Variants in DPYSL2 observed in about 807,000 individuals in gnomAD.
DPYSL2 encodes the protein dihydropyrimidinase-related protein 2.
DPYSL2 carries 13 observed loss-of-function variants against 69.9 expected under a neutral mutation model. The observed-to-expected ratio is 0.19, with a 90% CI of 0.12 to 0.30. The LOEUF (loss-of-function observed/expected upper bound fraction) is 0.30, where lower values mean the gene tolerates loss of function less well. Among genes scored for constraint, DPYSL2 ranks in the 10% least tolerant of loss-of-function variants. The pLI is 1.00. For synonymous variants in DPYSL2, 326 were observed against 359.1 expected (o/e 0.91, Z 1.04); for missense variants, 587 against 918.9 (o/e 0.64, Z 4.67).
At chr8:26,579,960 C>CT (rs11427313) in intron 1 of DPYSL2, among the ~76,000 whole-genome samples, 3,569 of 148,866 alleles carry the variant, frequency 0.024, 183 homozygotes, top group African/African-American at 0.085. Flanking sequence ...GAGCGCCCCC[C>CT]CCCCCACACC....
rs935005754 is a variant in DPYSL2 at position 26,655,129 on chromosome 8, C to T, written c.1943-486C>T. 3.3e-5 allele frequency among the ~76,000 whole-genome samples: 5 copies of T among 152,128 alleles called. No individual in the cohort carries two copies. In the South Asian group the frequency reaches 8.3e-4, roughly 25 times the overall value. On this transcript the variant is annotated intron_variant, in intron 13 of 13. Coordinates refer to ENST00000521913, the MANE Select transcript of DPYSL2 (RefSeq NM_001197293.3). ...TCTCCAAGTGCTGTTAGTAGGATTCCAGGCATGAGCCACCATGCCTGCTCT... is the reference window on the plus strand; with the variant it reads ...TCTCCAAGTGCTGTTAGTAGGATTCTAGGCATGAGCCACCATGCCTGCTCT...
Position 26,643,829 on chromosome 8 carries a change from G to A in DPYSL2, c.1284-121G>A, listed in dbSNP as rs1563424515. 1.5e-6 allele frequency: 2 copies of A among 1,345,766 alleles called. No homozygotes were observed. The highest frequency in any genetic ancestry group is 5.0e-5 in the East Asian group (2 of 39,992). The allele number at this position is 1,345,766 out of a possible 1,614,324, so 83.4% of individuals were successfully genotyped here. ...AAAGTCAAGCCAAGAAGGGAGAGGA[G>A]GCGTCAAAAGGACTCCACTTGGGTT... On this transcript the variant is annotated intron_variant, in intron 9 of 13. Coordinates refer to ENST00000521913, the MANE Select transcript of DPYSL2 (RefSeq NM_001197293.3). This position sits in a 1 kb window ranked among gnomAD's most constrained non-coding sequence, Gnocchi z 6.5.
At chr8:26,522,867 C>A (rs991420362) in intron 1 of DPYSL2, among the ~76,000 whole-genome samples, 14 of 151,684 alleles carry the variant, frequency 9.2e-5, no homozygotes, top group Middle Eastern at 3.4e-3. Context: ...CTATTTTTTT[C>A]TTTTGTTGCT....
rs1801892972 is a variant in DPYSL2 at position 26,597,638 on chromosome 8, C to G, written c.628+13655C>G. Among the ~76,000 whole-genome samples, 1 of 152,040 alleles carries G rather than the reference C, an allele frequency of 6.6e-6. No individual in the cohort carries two copies. The highest frequency in any genetic ancestry group is 1.9e-4 in the East Asian group (1 of 5,184). ...TACAGGCGCCCGCCACCACGCCCAA[C>G]TAATATTTTGTATTTTTAGTAGAGA... On this transcript the variant is annotated intron_variant, in intron 3 of 13. Coordinates refer to ENST00000521913, the MANE Select transcript of DPYSL2 (RefSeq NM_001197293.3). The surrounding 1 kb of genome is among the most constrained non-coding windows in gnomAD (Gnocchi z 5.2).
In DPYSL2 at chr8:26,656,958, G is replaced by A. The variant is rs1217452339; in HGVS notation, c.*1252G>A. ...ACCAACCAAAGTCACCAGTTCAGAA[G>A]TGCTAAGCTAATAGGAGTCTGACCC... On this transcript the variant is annotated 3_prime_UTR_variant, in exon 14 of 14. Coordinates refer to ENST00000521913, the MANE Select transcript of DPYSL2 (RefSeq NM_001197293.3). 6.6e-6 allele frequency: 1 copy of A among 152,302 alleles called. No homozygotes were observed. Among genetic ancestry groups the A allele is most frequent in the African/African-American group, 2.4e-5 (1 of 41,446 alleles). The allele number at this position is 152,302 out of a possible 1,614,324, so 9.4% of individuals were successfully genotyped here.
chr8:26,554,323 T>C (rs1384897322), intron 1 of DPYSL2, among the ~76,000 whole-genome samples: 1 of 152,066 alleles, frequency 6.6e-6, no homozygotes, highest in East Asian at 1.9e-4. Flanking sequence ...GTATGTCTTC[T>C]TTTGAAAAGT....
rs1411874912 is a variant in DPYSL2 at position 26,597,614 on chromosome 8, A to G, written c.628+13631A>G. Among the ~76,000 whole-genome samples the G allele has an allele frequency of 6.6e-6, 1 of 152,026 alleles. No homozygotes were observed. The highest frequency in any genetic ancestry group is 1.5e-5 in the Non-Finnish European group (1 of 68,010). ...CTCAGCCTCCCAAGTAGCTGGGACT[A>G]CAGGCGCCCGCCACCACGCCCAACT... On this transcript the variant is annotated intron_variant, in intron 3 of 13. Coordinates refer to ENST00000521913, the MANE Select transcript of DPYSL2 (RefSeq NM_001197293.3). The surrounding 1 kb of genome is among the most constrained non-coding windows in gnomAD (Gnocchi z 5.2).
chr8:26,569,474 C>T (rs941371570), intron 1 of DPYSL2, among the ~76,000 whole-genome samples: 3 of 151,836 alleles, frequency 2.0e-5, no homozygotes, highest in Non-Finnish European at 4.4e-5. Flanking sequence ...GATGAAGCCT[C>T]GGTCACCTGG....
At chr8:26,636,382 T>A (rs1223466673) in intron 8 of DPYSL2, among the ~76,000 whole-genome samples, 2 of 152,180 alleles carry the variant, frequency 1.3e-5, no homozygotes, top group Non-Finnish European at 2.9e-5. Context: ...GCATAGTGTC[T>A]GAAAGGGGGA....
At position 26,627,890 on chromosome 8, in the gene DPYSL2, G is replaced by T. The variant is rs181560878; in HGVS notation, c.955G>T (p.Asp319Tyr). The T allele has an allele frequency of 7.5e-5, 121 of 1,613,944 alleles. No homozygotes were observed. The Admixed American group carries it at 2.0e-3, about 26-fold the overall frequency. Residue 319 changes from aspartate (D) to tyrosine (Y), a missense_variant, in exon 7 of 14, where the codon GAT becomes TAT. Transcript: ENST00000521913. The surrounding 1 kb of genome is among the most constrained non-coding windows in gnomAD (Gnocchi z 6.9). ...IIAEEQQRIL[D>Y]LGITGPEGHV... ...ATTGCAGGAGCAGCAGAGGATCCTG[G>T]ATCTGGGCATCACGGGCCCCGAGGG...
Position 26,655,824 on chromosome 8 carries a change from T to C in DPYSL2, c.*118T>C, listed in dbSNP as rs1234934413. 3.6e-5 allele frequency: 36 copies of C among 1,002,260 alleles called. No individual in the cohort carries two copies. Among genetic ancestry groups the C allele is most frequent in the Non-Finnish European group, 4.8e-5 (35 of 726,018 alleles). The allele number at this position is 1,002,260 out of a possible 1,614,324, so 62.1% of individuals were successfully genotyped here. A position where few individuals can be genotyped will look rare whatever the true frequency, so the allele number is the denominator to read the frequency against. On this transcript the variant is annotated 3_prime_UTR_variant, in exon 14 of 14. Transcript: ENST00000521913. ...TTTTTTTTTTAAGAGCCTGTGATAG[T>C]TACTGTGGAGCAGCCAGTTCATGGG...
intron 1 of DPYSL2, among the ~76,000 whole-genome samples, chr8:26,554,306 G>T (rs1208969122): frequency 6.6e-6 from 1 of 151,332 alleles, no homozygotes; most frequent in Non-Finnish European, 1.5e-5. Context: ...ATGCTTTTTG[G>T]CTGCCTGTAT....
chr8:26,520,286 G>T (rs990783390), intron 1 of DPYSL2, among the ~76,000 whole-genome samples: 1 of 152,108 alleles, frequency 6.6e-6, no homozygotes, highest in Non-Finnish European at 1.5e-5. Context: ...TATTAGCAGG[G>T]TGAGAACAGA....
At chr8:26,618,315 C>CTTTTTTTTTTTTTTTTTTTTTTT (rs11384905) in intron 3 of DPYSL2, among the ~76,000 whole-genome samples, 1 of 145,920 alleles carries the variant, frequency 6.9e-6, no homozygotes. Flanking sequence ...GGTTTTACGC[C>CTTTTTTTTTTTTTTTTTTTTTTT]TTTTTTTTTT....
rs1272895245 is a variant in DPYSL2, at chr8:26,533,875, T to G, written c.354+19196T>G. ...ATGGGGGAACCCAGTGACAGCCTAG[T>G]GACAAGAGGGTCTTAATTAATGCAA... On this transcript the variant is annotated intron_variant, in intron 1 of 13. Transcript: ENST00000521913. This position sits in a 1 kb window ranked among gnomAD's most constrained non-coding sequence, Gnocchi z 4.8. Among the ~76,000 whole-genome samples, 1 of 152,222 alleles carries G rather than the reference T, an allele frequency of 6.6e-6. No homozygotes were observed. Among genetic ancestry groups the G allele is most frequent in the African/African-American group, 2.4e-5 (1 of 41,462 alleles).
chr8:26,624,171 A>G lies in DPYSL2; in HGVS notation c.657A>G (p.Thr219=), dbSNP rs1241119840. The change falls in exon 4 of 14, where the codon ACA becomes ACG. Residue 219 remains threonine (T), a synonymous_variant. Transcript: ENST00000521913. This position sits in a 1 kb window ranked among gnomAD's most constrained non-coding sequence, Gnocchi z 4.7. Reference sequence around the variant, plus strand: ...ACCACGTTGTTCCTGAGCCTGGGACAAGCCTGCTCGCTGCCTTTGACCAGT... The same window carrying G: ...ACCACGTTGTTCCTGAGCCTGGGACGAGCCTGCTCGCTGCCTTTGACCAGT... ...IIDHVVPEPG[T]SLLAAFDQWR... The G allele has an allele frequency of 6.2e-7, 1 of 1,614,188 alleles. No homozygotes were observed. Among genetic ancestry groups the G allele is most frequent in the Non-Finnish European group, 8.5e-7 (1 of 1,180,042 alleles).
chr8:26,648,671 C>T lies in DPYSL2; in HGVS notation c.1596+871C>T, dbSNP rs995532354. On this transcript the variant is annotated intron_variant, in intron 11 of 13. Transcript: ENST00000521913. This position sits in a 1 kb window ranked among gnomAD's most constrained non-coding sequence, Gnocchi z 4.3. Reference sequence around the variant, plus strand: ...CAGGAACTCATTTGAATCTTGAAGACAGCTCAGGCCAGCAAGCACTGACAC... The same window carrying T: ...CAGGAACTCATTTGAATCTTGAAGATAGCTCAGGCCAGCAAGCACTGACAC... Among the ~76,000 whole-genome samples the T allele has an allele frequency of 3.9e-5, 6 of 152,250 alleles. No homozygotes were observed. Among genetic ancestry groups the T allele is most frequent in the Non-Finnish European group, 8.8e-5 (6 of 68,046 alleles).
At chr8:26,568,690 G>A (rs527279029) in intron 1 of DPYSL2, among the ~76,000 whole-genome samples, 31 of 125,196 alleles carry the variant, frequency 2.5e-4, no homozygotes, top group African/African-American at 9.9e-4. Flanking sequence ...TGATCATGGC[G>A]GATTCTTTTA....
chr8:26,573,030 C>T (rs1429493256), intron 1 of DPYSL2, among the ~76,000 whole-genome samples: 1 of 152,186 alleles, frequency 6.6e-6, no homozygotes, highest in African/African-American at 2.4e-5. Context: ...ATGACTTCGA[C>T]CTTCATTTTA....
Sources: allele counts gnomAD v4.1 joint callset (sites outside exome capture counted in the v4.1 genomes callset), GRCh38; gene constraint gnomAD v4.1.1; non-coding constraint Gnocchi (gnomAD v3.1); transcripts MANE v1.5; gene names NCBI Gene and HGNC (gene_info 2026-07-23, HGNC 2026-07-21).